The following PCDH19 variants were observed in gnomAD, a reference collection of about 807,000 sequenced individuals.
The protein encoded by PCDH19 is protocadherin 19, also known as protocadherin-19.
A neutral mutation model predicts 46.2 loss-of-function variants in PCDH19; 6 were observed. The ratio of observed to expected loss-of-function variants is 0.13; its 90% CI spans 0.07 to 0.26. PCDH19 has a LOEUF of 0.26. Among genes scored for constraint, PCDH19 ranks in the 10% least tolerant of loss-of-function variants. The probability of loss-of-function intolerance (pLI) is 1.00; values close to 1 mark genes in which losing one functional copy is unlikely to be tolerated. For synonymous variants in PCDH19, 481 were observed against 415.7 expected (o/e 1.16, Z -1.91); for missense variants, 740 against 972.3 (o/e 0.76, Z 3.18).
At chrX:100,382,748 A>T (rs908474543) in intron 3 of PCDH19, among the ~76,000 whole-genome samples, 8 of 112,018 alleles carry the variant, frequency 7.1e-5, no homozygotes, top group African/African-American at 2.6e-4. Context: ...TGACTCTGGA[A>T]AGAAAATACT....
intron 5 of PCDH19, among the ~76,000 whole-genome samples, chrX:100,331,131 T>G (rs974314220): frequency 8.9e-6 from 1 of 111,993 alleles, no homozygotes; most frequent in African/African-American, 3.3e-5. Context: ...AATGGCACAT[T>G]GTTAAGTGAA....
At chrX:100,400,413 C>A (rs938960099) in intron 3 of PCDH19, among the ~76,000 whole-genome samples, 3 of 111,883 alleles carry the variant, frequency 2.7e-5, no homozygotes, top group African/African-American at 9.7e-5. Flanking sequence ...GACAGGTGTG[C>A]CCATTTTGTA....
rs1924549294 is a variant in PCDH19, at chrX:100,295,020, A to C, written c.*1257T>G. ...AGTGTCTCCGTTTAGAAGGCACAGT[A>C]ATTGGATTAGCGATGCTGTTACCTG... On this transcript the variant is annotated 3_prime_UTR_variant, in exon 6 of 6. Transcript: ENST00000373034. The C allele has an allele frequency of 8.9e-6, 1 of 112,451 alleles. No homozygotes were observed. The highest frequency in any genetic ancestry group is 1.9e-5 in the Non-Finnish European group (1 of 53,236). The allele number at this position is 112,451 out of a possible 1,213,427, so 9.3% of individuals were successfully genotyped here. A position where few individuals can be genotyped will look rare whatever the true frequency, so the allele number is the denominator to read the frequency against.
chrX:100,389,644 T>G (rs923302626), intron 3 of PCDH19, among the ~76,000 whole-genome samples: 1 of 111,733 alleles, frequency 8.9e-6, no homozygotes, highest in Non-Finnish European at 1.9e-5. Flanking sequence ...AACATCAAGT[T>G]GTACATCTTA....
chrX:100,394,176 A>T (rs1283597398), intron 3 of PCDH19, among the ~76,000 whole-genome samples: 1 of 111,794 alleles, frequency 8.9e-6, no homozygotes, highest in Non-Finnish European at 1.9e-5. Flanking sequence ...CAACAACAAC[A>T]ACAAAAAGAA....
In PCDH19 at chrX:100,296,219, A is replaced by G; in HGVS notation, c.*58T>C. On this transcript the variant is annotated 3_prime_UTR_variant, in exon 6 of 6. Coordinates refer to ENST00000373034, the MANE Select transcript of PCDH19 (RefSeq NM_001184880.2). ...ACCATTGGTGAGCAATTAAAACAAGAAGCTCCTGCTTCTTCACTAGCCAGT... is the reference window on the plus strand; with the variant it reads ...ACCATTGGTGAGCAATTAAAACAAGGAGCTCCTGCTTCTTCACTAGCCAGT... The G allele has an allele frequency of 1.0e-6, 1 of 959,094 alleles. No individual in the cohort carries two copies. Among genetic ancestry groups the G allele is most frequent in the Non-Finnish European group, 1.5e-6 (1 of 665,584 alleles). 79.0% of individuals were successfully genotyped at this position (959,094 alleles called of 1,213,427 possible). A position where few individuals can be genotyped will look rare whatever the true frequency, so the allele number is the denominator to read the frequency against.
chrX:100,361,380 G>A lies in PCDH19; in HGVS notation c.2617-10676C>T, dbSNP rs142734227. Among the ~76,000 whole-genome samples, 570 of 111,786 alleles carry A rather than the reference G, an allele frequency of 5.1e-3. 2 individuals carry two copies. Among genetic ancestry groups the A allele is most frequent in the Non-Finnish European group, 5.7e-3 (303 of 53,145 alleles). On this transcript the variant is annotated intron_variant, in intron 3 of 5. Transcript: ENST00000373034. ...GAAAAACCACATAAAGAAGAAGAAT[G>A]TTTTTAGATAGGGAGAAAACAGACA...
In PCDH19 at chrX:100,294,872, G is replaced by T. The variant is rs1040746196; in HGVS notation, c.*1405C>A. ...TCTACAGTGTGTTAATTTAAAAAGGGTGTATTCCTAGCCTACAGCAAAAAG... is the reference window on the plus strand; with the variant it reads ...TCTACAGTGTGTTAATTTAAAAAGGTTGTATTCCTAGCCTACAGCAAAAAG... On this transcript the variant is annotated 3_prime_UTR_variant, in exon 6 of 6. Coordinates refer to ENST00000373034, the MANE Select transcript of PCDH19 (RefSeq NM_001184880.2). The T allele has an allele frequency of 1.6e-4, 18 of 112,387 alleles. No homozygotes were observed. Among genetic ancestry groups the T allele is most frequent in the African/African-American group, 5.5e-4 (17 of 30,907 alleles). The allele number at this position is 112,387 out of a possible 1,213,427, so 9.3% of individuals were successfully genotyped here.
chrX:100,316,543 G>A (rs763118058), intron 5 of PCDH19, among the ~76,000 whole-genome samples: 4 of 111,898 alleles, frequency 3.6e-5, no homozygotes, highest in Admixed American at 9.5e-5. Context: ...TCAGGAATAC[G>A]TATGCCCATG....
At chrX:100,296,980 T>C in intron 5 of PCDH19, 105 bp from the exon 6 acceptor site, 1 of 776,298 alleles carries the variant, frequency 1.3e-6, no homozygotes, top group East Asian at 3.2e-5. Context: ...TTGTGGGAAA[T>C]GGCACTTTTA....
intron 5 of PCDH19, among the ~76,000 whole-genome samples, chrX:100,317,215 C>T (rs1925336632): frequency 8.9e-6 from 1 of 111,761 alleles, no homozygotes; most frequent in South Asian, 3.8e-4. Flanking sequence ...TGTGCCACTC[C>T]TAAATTGAAA....
At chrX:100,401,834 G>A (rs1007892159) in intron 3 of PCDH19, among the ~76,000 whole-genome samples, 3 of 110,056 alleles carry the variant, frequency 2.7e-5, no homozygotes, top group East Asian at 5.7e-4. Flanking sequence ...AGGCTCAACC[G>A]ATTCTCCTGC....
chrX:100,407,481 C>T lies in PCDH19; in HGVS notation c.1117G>A (p.Val373Met). 1.1e-5 allele frequency: 13 copies of T among 1,211,932 alleles called. No homozygotes were observed. The highest frequency in any genetic ancestry group is 1.5e-5 in the Non-Finnish European group (13 of 895,674). ...TTGAGGCCTGAGTCGCGATCAGACACCCGCACCAAGGCGATCACGTAGCCC... is the reference window on the plus strand; with the variant it reads ...TTGAGGCCTGAGTCGCGATCAGACATCCGCACCAAGGCGATCACGTAGCCC... ...PPGYVIALVR[V>M]SDRDSGLNGR... is the part of the protein sequence containing the mutation. The change falls in exon 1 of 6, where the codon GTG becomes ATG. Residue 373 changes from valine (V) to methionine (M), a missense_variant. By Grantham distance (21) the Val-to-Met change is conservative. Coordinates refer to ENST00000373034, the MANE Select transcript of PCDH19 (RefSeq NM_001184880.2).
At chrX:100,362,730 G>C (rs1926927092) in intron 3 of PCDH19, among the ~76,000 whole-genome samples, 2 of 107,988 alleles carry the variant, frequency 1.9e-5, no homozygotes, top group Non-Finnish European at 3.8e-5. Flanking sequence ...CCAGGAGGCA[G>C]GGCTTGCAGT....
chrX:100,320,077 T>G (rs1925427721), intron 5 of PCDH19, among the ~76,000 whole-genome samples: 1 of 111,405 alleles, frequency 9.0e-6, no homozygotes, highest in African/African-American at 3.3e-5. Flanking sequence ...TTCACCAATG[T>G]CTCACCCTCA....
intron 5 of PCDH19, among the ~76,000 whole-genome samples, chrX:100,324,869 CT>C (rs1024024490): frequency 3.6e-5 from 4 of 110,857 alleles, no homozygotes; most frequent in African/African-American, 1.3e-4. Flanking sequence ...TCATTTAATC[CT>C]TACAACCACC....
chrX:100,391,328 A>G (rs1569309678), intron 3 of PCDH19, among the ~76,000 whole-genome samples: 1 of 111,796 alleles, frequency 8.9e-6, no homozygotes, highest in Non-Finnish European at 1.9e-5. Context: ...AAACCAAATG[A>G]AGCAAGGTTA....
chrX:100,350,784 T>A, intron 3 of PCDH19, 80 bp from the exon 4 acceptor site: 2 of 657,847 alleles, frequency 3.0e-6, no homozygotes, highest in Admixed American at 2.6e-5. Context: ...TAGAAGGAAT[T>A]TTTCTTCTGG....
chrX:100,401,940 T>C (rs952364742), intron 3 of PCDH19, among the ~76,000 whole-genome samples: 4 of 111,928 alleles, frequency 3.6e-5, no homozygotes, highest in Non-Finnish European at 7.5e-5. Context: ...TTCAATCTCC[T>C]CAACCATCAA....
Sources: allele counts gnomAD v4.1 joint callset (sites outside exome capture counted in the v4.1 genomes callset), GRCh38; gene constraint gnomAD v4.1.1; transcripts MANE v1.5; gene names NCBI Gene and HGNC (gene_info 2026-07-23, HGNC 2026-07-21).